The following TCOF1 variants were observed in gnomAD, a reference collection of about 807,000 sequenced individuals.
The protein encoded by TCOF1 is treacle protein.
Under a neutral mutation model 149.0 loss-of-function variants are expected in TCOF1, and 33 were observed. That is an observed-to-expected ratio of 0.22 (90% CI 0.17 to 0.30). TCOF1 has a LOEUF of 0.30. Among genes scored for constraint, TCOF1 ranks in the 10% least tolerant of loss-of-function variants. The pLI, the probability that TCOF1 is intolerant of heterozygous loss-of-function variation, is 1.00. For synonymous variants in TCOF1, 789 were observed against 738.8 expected, an observed-to-expected ratio of 1.07 and a Z score of -1.10; for missense variants, 1,728 against 1,840.7, an observed-to-expected ratio of 0.94 and a Z score of 1.12.
chr5:150,383,971 A>T (rs1031965882), intron 17 of TCOF1: 11 of 1,431,740 alleles, frequency 7.7e-6, no homozygotes, highest in Non-Finnish European at 1.0e-5. Context: ...ATCAGACAGC[A>T]TTACCCTTTG....
chr5:150,374,302 G>A lies in TCOF1; in HGVS notation c.999G>A (p.Gly333=), dbSNP rs55918703. 2,600 of 1,588,066 alleles carry A rather than the reference G, an allele frequency of 1.6e-3. 8 individuals carry two copies. The highest frequency in any genetic ancestry group is 0.01 in the Middle Eastern group (62 of 6,012). Residue 333 remains glycine (G), a synonymous_variant, in exon 8 of 27, where the codon GGG becomes GGA. Transcript: ENST00000643257. ...CTGTAGCCTCCCAGACCAAGGCAGG[G>A]AAGCCAGAGGAGGACTCAGAGAGCA... ...AGAVASQTKA[G]KPEEDSESSS...
At chr5:150,371,007 G>T (rs1562320179) in intron 6 of TCOF1, among the ~76,000 whole-genome samples, 1 of 152,130 alleles carries the variant, frequency 6.6e-6, no homozygotes, top group Non-Finnish European at 1.5e-5. Context: ...CTGCAGCCTG[G>T]GTTGGAGGGC....
At chr5:150,397,118 A>T (rs1768718635) in intron 24 of TCOF1, among the ~76,000 whole-genome samples, 1 of 137,206 alleles carries the variant, frequency 7.3e-6, no homozygotes, top group Non-Finnish European at 1.5e-5. Flanking sequence ...GAGATCACGC[A>T]TTGCACTCCA....
rs1284528004 is a variant in TCOF1 at position 150,376,263 on chromosome 5, A to T, written c.2075A>T (p.Asp692Val). 1 of 1,614,184 alleles carries T rather than the reference A, an allele frequency of 6.2e-7. No homozygotes were observed. The change falls in exon 13 of 27, where the codon GAT becomes GTT. Residue 692 changes from aspartate (D) to valine (V), a missense_variant. Asp to Val is a radical substitution (Grantham distance 152). Around this residue, in one of 2 missense-constraint regions of TCOF1, gnomAD observed 1,696 missense variants for 1,765.4 expected, o/e 0.96. Coordinates refer to ENST00000643257, the MANE Select transcript of TCOF1 (RefSeq NM_001371623.1). ...VAGGTQRPAE[D>V]SSSSEESDSE... ...GGGGGCACCCAGAGACCAGCAGAGG[A>T]TTCTTCAAGCAGTGAGGAATCAGAT... is the stretch of plus-strand genomic sequence containing the variant.
At position 150,364,297 on chromosome 5, in the gene TCOF1, G is replaced by C. The variant is rs372411419; in HGVS notation, c.304+45G>C. ...GGGAACAGGCTATGGAATATTGATT[G>C]TTCTAGGGTAGAGTCTACCTCCAGC... On this transcript the variant is annotated intron_variant, in intron 3 of 26. Coordinates refer to ENST00000643257, the MANE Select transcript of TCOF1 (RefSeq NM_001371623.1). 21 of 1,613,028 alleles carry C rather than the reference G, an allele frequency of 1.3e-5. No homozygotes were observed. In the South Asian group the frequency reaches 2.3e-4, roughly 18 times the overall value.
At chr5:150,378,717 A>G in intron 14 of TCOF1, 188 bp from the exon 15 acceptor site, 1 of 723,504 alleles carries the variant, frequency 1.4e-6, no homozygotes. Flanking sequence ...GGGCCTTATT[A>G]TTATCTCCAT....
At chr5:150,383,965 G>A (rs1765759942) in intron 17 of TCOF1, 10 of 1,440,446 alleles carry the variant, frequency 6.9e-6, no homozygotes, top group Non-Finnish European at 8.2e-6. Flanking sequence ...CCTTCCATCA[G>A]ACAGCATTAC....
At chr5:150,386,237 C>T (rs1220066411) in intron 17 of TCOF1, among the ~76,000 whole-genome samples, 14 of 152,220 alleles carry the variant, frequency 9.2e-5, no homozygotes, top group Admixed American at 8.5e-4. Flanking sequence ...GAGGCTTTTG[C>T]TGCTGAGCTG....
intron 17 of TCOF1, chr5:150,384,768 C>T: frequency 1.0e-6 from 1 of 985,502 alleles, no homozygotes; most frequent in Non-Finnish European, 1.2e-6. Context: ...GCTGCAGCCT[C>T]TTCCTGATTG....
chr5:150,377,824 T>A (rs1764170156), intron 14 of TCOF1, among the ~76,000 whole-genome samples: 1 of 152,232 alleles, frequency 6.6e-6, no homozygotes, highest in South Asian at 2.1e-4. Context: ...GGTGTTTTAT[T>A]TTTATTTTTT....
intron 23 of TCOF1, chr5:150,394,135 CAG>C (rs1767965557): frequency 6.3e-6 from 1 of 157,628 alleles, no homozygotes; most frequent in South Asian, 1.9e-4. Context: ...GCCCTTGCCT[CAG>C]AGGAAGCTGC....
Position 150,374,800 on chromosome 5 carries a change from G to GCGC in TCOF1, c.1269_1271dup (p.Pro424dup). 6.2e-7 allele frequency: 1 copy of GCGC among 1,610,220 alleles called. No homozygotes were observed. Among genetic ancestry groups the GCGC allele is most frequent in the Non-Finnish European group, 8.5e-7 (1 of 1,178,266 alleles). ...CGAGGAATCGGACAGTGAGGAGGAG[G>GCGC]CGCCTGCTCAGGTGAGGCAGAGGGG... On this transcript the variant is annotated inframe_insertion, in exon 9 of 27. Transcript: ENST00000643257.
intron 18 of TCOF1, among the ~76,000 whole-genome samples, chr5:150,389,296 C>A (rs1022716680): frequency 6.6e-6 from 1 of 152,154 alleles, no homozygotes; most frequent in South Asian, 2.1e-4. Context: ...CATACTGTAT[C>A]TAATGTTCAG....
rs1424117491 is a variant in TCOF1, at chr5:150,392,768, A to T, written c.3581A>T (p.Asp1194Val). 1 of 1,613,894 alleles carries T rather than the reference A, an allele frequency of 6.2e-7. No homozygotes were observed. The highest frequency in any genetic ancestry group is 8.5e-7 in the Non-Finnish European group (1 of 1,179,994). The change falls in exon 22 of 27, where the codon GAT (aspartate) becomes GTT (valine). Residue 1194 changes from aspartate to valine, a missense_variant. Physicochemically the swap from Asp to Val is radical, Grantham distance 152. Coordinates refer to ENST00000643257, the MANE Select transcript of TCOF1 (RefSeq NM_001371623.1). ...GAGACCGCAGCAGAGTCCAGCGAGG[A>T]TGATGTGGTGGCGCCATCCCAGGTA... is the stretch of plus-strand genomic sequence containing the variant. The part of the protein sequence containing the change: ...VEETAAESSE[D>V]DVVAPSQSLL...
chr5:150,396,188 T>TG (rs1239494378), intron 23 of TCOF1, 94 bp from the exon 24 acceptor site: 67 of 1,399,442 alleles, frequency 4.8e-5, no homozygotes, highest in Non-Finnish European at 6.6e-5. Flanking sequence ...TAAGAAAAGA[T>TG]GGAGTCACTC....
At chr5:150,362,607 G>A (rs1459320122) in intron 2 of TCOF1, among the ~76,000 whole-genome samples, 1 of 152,142 alleles carries the variant, frequency 6.6e-6, no homozygotes, top group East Asian at 1.9e-4. Flanking sequence ...TGGAAGTGGT[G>A]GGCTCCCTGT....
chr5:150,393,431 A>G lies in TCOF1; in HGVS notation c.3663A>G (p.Lys1221=), dbSNP rs373774495. 3 of 1,614,120 alleles carry G rather than the reference A, an allele frequency of 1.9e-6. No homozygotes were observed. The highest frequency in any genetic ancestry group is 2.5e-6 in the Non-Finnish European group (3 of 1,180,008). Residue 1221 remains lysine, a synonymous_variant, in exon 23 of 27, where the codon AAA becomes AAG. Coordinates refer to ENST00000643257, the MANE Select transcript of TCOF1 (RefSeq NM_001371623.1). ...CCCCAGCCAATTCCCAGGCCTCAAAAGCCACTCCCAAGCTAGACTCCAGCC... is the reference window on the plus strand; with the variant it reads ...CCCCAGCCAATTCCCAGGCCTCAAAGGCCACTCCCAAGCTAGACTCCAGCC... ...GLTPANSQAS[K]ATPKLDSSPS...
chr5:150,375,124 C>G lies in TCOF1; in HGVS notation c.1449C>G (p.Asp483Glu), dbSNP rs774789322. 3.7e-6 allele frequency: 6 copies of G among 1,613,318 alleles called. No homozygotes were observed. The South Asian group carries it at 6.6e-5, about 18-fold the overall frequency. ...CAAGAAGCAGCAGCGAGGAGTCAGA[C>G]AGTGACAGAGAGGCACTGGCAGCCA... ...EDSRSSSEES[D>E]SDREALAAMN... is the part of the protein sequence containing the mutation. The change falls in exon 10 of 27, where the codon GAC becomes GAG. Residue 483 changes from aspartate (D) to glutamate (E), a missense_variant. Coordinates refer to ENST00000643257, the MANE Select transcript of TCOF1 (RefSeq NM_001371623.1).
Position 150,374,965 on chromosome 5 carries a change from A to T in TCOF1, c.1290A>T (p.Ser430=). 6.2e-7 allele frequency: 1 copy of T among 1,612,770 alleles called. No individual in the cohort carries two copies. Residue 430 remains serine, a synonymous_variant, in exon 10 of 27, where the codon TCA becomes TCT. Coordinates refer to ENST00000643257, the MANE Select transcript of TCOF1 (RefSeq NM_001371623.1). ...GTTTCTCACTCCAGGCGAAGCCTTC[A>T]GGGAAGGCCCCCCAGGTCAGAGCCG... ...EEEAPAQAKP[S]GKAPQVRAAS... is the part of the protein sequence containing the mutation.
Sources: allele counts gnomAD v4.1 joint callset (sites outside exome capture counted in the v4.1 genomes callset), GRCh38; gene constraint gnomAD v4.1.1; regional missense constraint gnomAD v4.1.1; transcripts MANE v1.5; gene names NCBI Gene and HGNC (gene_info 2026-07-23, HGNC 2026-07-21).